The following ATXN7L1 variants were observed in gnomAD, a reference collection of about 807,000 sequenced individuals.
ATXN7L1 encodes ataxin 7 like 1, also known as ataxin-7-like protein 1.
Under a neutral mutation model 70.8 loss-of-function variants are expected in ATXN7L1, and 15 were observed. The observed-to-expected ratio is 0.21, with a 90% confidence interval of 0.14 to 0.33. The LOEUF (loss-of-function observed/expected upper bound fraction) is 0.33, where lower values mean the gene tolerates loss of function less well. Ranked by LOEUF, ATXN7L1 falls within the 10% of genes least tolerant of loss-of-function variation. The pLI is 1.00. For missense variants in ATXN7L1, 975 were observed against 1,097.1 expected (o/e 0.89, Z 1.57); for synonymous variants, 440 against 445.1 (o/e 0.99, Z 0.14).
At chr7:105,759,451 T>A (rs900862261) in intron 3 of ATXN7L1, among the ~76,000 whole-genome samples, 7 of 61,452 alleles carry the variant, frequency 1.1e-4, no homozygotes, top group African/African-American at 5.4e-4. Flanking sequence ...GGATAGTGAG[T>A]GTGTGTGTGT....
rs59456850 is a variant in ATXN7L1, at chr7:105,734,636, G to GTT, written c.355+53966_355+53967dup. 1.3e-3 allele frequency among the ~76,000 whole-genome samples: 179 copies of GTT among 142,044 alleles called. 1 individual carries two copies. Among genetic ancestry groups the GTT allele is most frequent in the East Asian group, 3.1e-3 (15 of 4,868 alleles). The allele number at this position is 142,044 out of a possible 152,430, so 93.2% of individuals were successfully genotyped here. A position where few individuals can be genotyped will look rare whatever the true frequency, so the allele number is the denominator to read the frequency against. On this transcript the variant is annotated intron_variant, in intron 3 of 11. Coordinates refer to ENST00000419735, the MANE Select transcript of ATXN7L1 (RefSeq NM_020725.2). ...TGAAGTTTTAGCAACCTCCTTTCAT[G>GTT]TTTTTTTTTTTTTTTAACCTGGCTG...
At chr7:105,639,383 C>A in intron 6 of ATXN7L1, 104 bp downstream of exon 6, 3 of 814,174 alleles carry the variant, frequency 3.7e-6, no homozygotes, top group Non-Finnish European at 6.0e-6. Flanking sequence ...AGCTGGGGGT[C>A]ATGTCGAGGT....
chr7:105,606,460 C>G lies in ATXN7L1; in HGVS notation c.*1392G>C, dbSNP rs1562879542. ...ATTCATTTCTGATTTAAGGATGAAA[C>G]AAAACCTCCCAGTATCTTTGCTATA... On this transcript the variant is annotated 3_prime_UTR_variant, in exon 12 of 12. Transcript: ENST00000419735. 1 of 152,170 alleles carries G rather than the reference C, an allele frequency of 6.6e-6. No homozygotes were observed. The highest frequency in any genetic ancestry group is 1.5e-5 in the Non-Finnish European group (1 of 68,024). 9.4% of individuals were successfully genotyped at this position (152,170 alleles called of 1,614,324 possible).
intron 4 of ATXN7L1, among the ~76,000 whole-genome samples, chr7:105,664,399 G>A (rs544993750): frequency 1.2e-4 from 18 of 149,960 alleles, no homozygotes; most frequent in South Asian, 4.2e-4. Flanking sequence ...AAAATCCCCC[G>A]TCAGGCATAC....
intron 3 of ATXN7L1, among the ~76,000 whole-genome samples, chr7:105,710,504 T>C (rs1793768021): frequency 6.7e-6 from 1 of 149,348 alleles, no homozygotes; most frequent in Non-Finnish European, 1.5e-5. Flanking sequence ...GCCTCCCAGG[T>C]TCATGCCATT....
chr7:105,741,743 G>A lies in ATXN7L1; in HGVS notation c.355+46861C>T, dbSNP rs192184060. 2.8e-3 allele frequency among the ~76,000 whole-genome samples: 431 copies of A among 152,290 alleles called. 5 individuals are homozygous for A. Among genetic ancestry groups the A allele is most frequent in the Admixed American group, 0.011 (162 of 15,294 alleles). On this transcript the variant is annotated intron_variant, in intron 3 of 11. Transcript: ENST00000419735. ...TTTGCAAATGACCAAATTAAGACAA[G>A]GTCATGAGGGTGGGCCCTAATGTAA...
At chr7:105,816,902 A>G (rs2116554092) in intron 2 of ATXN7L1, among the ~76,000 whole-genome samples, 1 of 152,350 alleles carries the variant, frequency 6.6e-6, no homozygotes, top group South Asian at 2.1e-4. Flanking sequence ...ACTTATCAGT[A>G]ATTTACCCCA....
At chr7:105,780,646 G>A (rs1354685925) in intron 3 of ATXN7L1, among the ~76,000 whole-genome samples, 1 of 151,984 alleles carries the variant, frequency 6.6e-6, no homozygotes, top group Non-Finnish European at 1.5e-5. Context: ...GAGAGGACTA[G>A]TGCCAAGTGT....
chr7:105,711,802 C>T (rs1028318247), intron 3 of ATXN7L1, among the ~76,000 whole-genome samples: 23 of 152,240 alleles, frequency 1.5e-4, no homozygotes, highest in Non-Finnish European at 2.2e-4. Context: ...CAGTGGCCCT[C>T]TTCTCACAGC....
intron 3 of ATXN7L1, among the ~76,000 whole-genome samples, chr7:105,671,819 G>A (rs768777951): frequency 3.3e-5 from 5 of 149,772 alleles, no homozygotes; most frequent in Non-Finnish European, 7.4e-5. Context: ...GAGCCTGGGA[G>A]GTCAAGGCTG....
At position 105,605,862 on chromosome 7, in the gene ATXN7L1, T is replaced by C. The variant is rs1792742420; in HGVS notation, c.*1990A>G. On this transcript the variant is annotated 3_prime_UTR_variant, in exon 12 of 12. Coordinates refer to ENST00000419735, the MANE Select transcript of ATXN7L1 (RefSeq NM_020725.2). ...TTAAAAATATAAACATTGCTTAAAC[T>C]TTCCTAAGTTTCATATTGTTTCTGA... 1 of 152,212 alleles carries C rather than the reference T, an allele frequency of 6.6e-6. No individual in the cohort carries two copies. 9.4% of individuals were successfully genotyped at this position (152,212 alleles called of 1,614,324 possible).
At chr7:105,829,485 C>T (rs2116583054) in intron 2 of ATXN7L1, among the ~76,000 whole-genome samples, 1 of 152,120 alleles carries the variant, frequency 6.6e-6, no homozygotes, top group South Asian at 2.1e-4. Context: ...CAACAAAAAA[C>T]CAGCCATTTC....
chr7:105,733,605 C>T (rs371529375), intron 3 of ATXN7L1, among the ~76,000 whole-genome samples: 734 of 11,872 alleles, frequency 0.062, 4 homozygotes, highest in African/African-American at 0.11. Flanking sequence ...CATCCATCCA[C>T]CCATCCATCC....
rs13234253 is a variant in ATXN7L1, at chr7:105,653,329, T to C, written c.579-10208A>G. ...CAGGCGTGGTGGTGTATGCCGGTAA[T>C]CCCAGCTACTTGGGAGGCTGAGGCA... On this transcript the variant is annotated intron_variant, in intron 4 of 11. Transcript: ENST00000419735. 3.9e-5 allele frequency among the ~76,000 whole-genome samples: 6 copies of C among 152,096 alleles called. No individual in the cohort carries two copies. The East Asian group carries it at 1.2e-3, about 29-fold the overall frequency.
At chr7:105,684,622 C>T (rs1421993643) in intron 3 of ATXN7L1, among the ~76,000 whole-genome samples, 1 of 152,208 alleles carries the variant, frequency 6.6e-6, no homozygotes, top group East Asian at 1.9e-4. Flanking sequence ...GTCTACTGCT[C>T]CAGTCTGTTG....
Position 105,605,744 on chromosome 7 carries a change from C to A in ATXN7L1, c.*2108G>T, listed in dbSNP as rs971915875. The A allele has an allele frequency of 6.6e-6, 1 of 152,040 alleles. No individual in the cohort carries two copies. The highest frequency in any genetic ancestry group is 2.4e-5 in the African/African-American group (1 of 41,392). 9.4% of individuals were successfully genotyped at this position (152,040 alleles called of 1,614,324 possible). A position where few individuals can be genotyped will look rare whatever the true frequency, so the allele number is the denominator to read the frequency against. ...ATAAAAAACAACAGACCTCTGAAAC[C>A]GAACAAGACAAAATTGTGCAAAAAT... On this transcript the variant is annotated 3_prime_UTR_variant, in exon 12 of 12. Coordinates refer to ENST00000419735, the MANE Select transcript of ATXN7L1 (RefSeq NM_020725.2).
At chr7:105,792,200 C>T (rs576501421) in intron 2 of ATXN7L1, among the ~76,000 whole-genome samples, 1 of 152,214 alleles carries the variant, frequency 6.6e-6, no homozygotes, top group Non-Finnish European at 1.5e-5. Flanking sequence ...CCCCTCCAGG[C>T]CTTTCCCGTT....
chr7:105,753,659 G>T (rs183881957), intron 3 of ATXN7L1, among the ~76,000 whole-genome samples: 2 of 151,930 alleles, frequency 1.3e-5, no homozygotes, highest in African/African-American at 4.8e-5. Context: ...AAGACAGGCT[G>T]AACCACCCAT....
At chr7:105,707,071 C>A (rs1330696708) in intron 3 of ATXN7L1, among the ~76,000 whole-genome samples, 2 of 152,202 alleles carry the variant, frequency 1.3e-5, no homozygotes, top group East Asian at 3.8e-4. Context: ...CCGATGGATG[C>A]CAGTTACCAC....
Sources: allele counts gnomAD v4.1 joint callset (sites outside exome capture counted in the v4.1 genomes callset), GRCh38; gene constraint gnomAD v4.1.1; transcripts MANE v1.5; gene names NCBI Gene and HGNC (gene_info 2026-07-23, HGNC 2026-07-21).